Variants in NCOA2 observed in about 807,000 individuals in gnomAD.
NCOA2 encodes the protein class E basic helix-loop-helix protein 75.
A neutral mutation model predicts 145.1 loss-of-function variants in NCOA2; 21 were observed. The observed-to-expected ratio is 0.14, with a 90% CI of 0.10 to 0.21. NCOA2 has a LOEUF of 0.21. Among genes scored for constraint, NCOA2 ranks in the 10% least tolerant of loss-of-function variants. The pLI, the probability that NCOA2 is intolerant of heterozygous loss-of-function variation, is 1.00. For synonymous variants in NCOA2, 619 were observed against 637.5 expected (o/e 0.97, Z 0.44); for missense variants, 1,472 against 1,837.6 (o/e 0.80, Z 3.64).
intron 4 of NCOA2, among the ~76,000 whole-genome samples, chr8:70,176,322 T>G (rs1814845914): frequency 6.6e-6 from 1 of 152,204 alleles, no homozygotes; most frequent in Non-Finnish European, 1.5e-5. Flanking sequence ...TCGAAAAAAT[T>G]GTGACTGCCT....
At chr8:70,128,029 G>C (rs1585746787) in intron 18 of NCOA2, among the ~76,000 whole-genome samples, 3 of 152,316 alleles carry the variant, frequency 2.0e-5, no homozygotes, top group African/African-American at 7.2e-5. Context: ...TGCTAGATAA[G>C]CGCCATTCAG....
In NCOA2 at chr8:70,286,497, T is replaced by C. The variant is rs1337889617; in HGVS notation, c.-20+10247A>G. Among the ~76,000 whole-genome samples the C allele has an allele frequency of 4.6e-5, 7 of 152,294 alleles. 1 individual carries two copies. The East Asian group carries it at 1.2e-3, about 25-fold the overall frequency. On this transcript the variant is annotated intron_variant, in intron 2 of 22. Coordinates refer to ENST00000452400, the MANE Select transcript of NCOA2 (RefSeq NM_006540.4). ...TAACCGTGAGCTACAATATAAATAC[T>C]CAAAGATAAAATTTTAAAGGTGGAT...
intron 16 of NCOA2, 43 bp downstream of exon 16, chr8:70,131,794 C>T: frequency 6.4e-7 from 1 of 1,555,250 alleles, no homozygotes; most frequent in Non-Finnish European, 8.7e-7. Context: ...CCTCTGCGCC[C>T]ATGAGAGCGC....
the NCOA2 span, among the ~76,000 whole-genome samples, chr8:70,422,345 G>C: frequency 3.3e-5 from 5 of 151,878 alleles, no homozygotes; most frequent in African/African-American, 1.2e-4. Context: ...TTGAAGTCTC[G>C]TGTTTTGCCT....
intron 1 of NCOA2, among the ~76,000 whole-genome samples, chr8:70,364,809 T>A: frequency 6.7e-6 from 1 of 149,858 alleles, no homozygotes. Flanking sequence ...CCAGACCAGT[T>A]CTATAAAGTA....
the NCOA2 span, among the ~76,000 whole-genome samples, chr8:70,440,659 A>T: frequency 6.6e-6 from 1 of 151,546 alleles, no homozygotes; most frequent in Admixed American, 6.6e-5. Flanking sequence ...AGAGAAAAGA[A>T]AGAGGGAGAG....
chr8:70,210,388 C>T (rs1459222573), intron 4 of NCOA2, among the ~76,000 whole-genome samples: 5 of 152,062 alleles, frequency 3.3e-5, no homozygotes, highest in Non-Finnish European at 5.9e-5. Context: ...TTATGAATGT[C>T]GGCCAAAAAA....
the NCOA2 span, among the ~76,000 whole-genome samples, chr8:70,412,647 C>CAAAGAA: frequency 1.2e-4 from 6 of 48,304 alleles, no homozygotes; most frequent in Admixed American, 9.1e-4. Context: ...TACTTCGTCT[C>CAAAGAA]AAAAAAAAAA....
At chr8:70,153,436 C>A (rs1240908220) in intron 11 of NCOA2, among the ~76,000 whole-genome samples, 1 of 152,204 alleles carries the variant, frequency 6.6e-6, no homozygotes, top group Non-Finnish European at 1.5e-5. Context: ...TTGTCAGTTT[C>A]TTGTCTGAAG....
At chr8:70,136,718 T>C (rs1809778716) in intron 15 of NCOA2, among the ~76,000 whole-genome samples, 1 of 152,192 alleles carries the variant, frequency 6.6e-6, no homozygotes, top group Non-Finnish European at 1.5e-5. Flanking sequence ...GGTTCCTAAA[T>C]ATTAACTGTG....
intron 1 of NCOA2, among the ~76,000 whole-genome samples, chr8:70,310,978 AG>A (rs1171995961): frequency 6.6e-6 from 1 of 152,240 alleles, no homozygotes; most frequent in Non-Finnish European, 1.5e-5. Flanking sequence ...ACATTGTAAA[AG>A]AACAACACAG....
At chr8:70,374,247 G>C (rs1257881525) in intron 1 of NCOA2, among the ~76,000 whole-genome samples, 1 of 151,790 alleles carries the variant, frequency 6.6e-6, no homozygotes, top group African/African-American at 2.4e-5. Context: ...TGAGGTGGGC[G>C]GATCACCTGA....
intron 1 of NCOA2, among the ~76,000 whole-genome samples, chr8:70,336,253 C>T (rs541338292): frequency 6.6e-6 from 1 of 152,196 alleles, no homozygotes; most frequent in Admixed American, 6.5e-5. Context: ...TTTTAAGTAC[C>T]TTTATAATCT....
chr8:70,114,193 G>T (rs1806829301), intron 22 of NCOA2, among the ~76,000 whole-genome samples: 1 of 151,936 alleles, frequency 6.6e-6, no homozygotes. Flanking sequence ...GACTCCTGGG[G>T]TTTTGTATTT....
chr8:70,181,390 T>C (rs187232796), intron 4 of NCOA2, among the ~76,000 whole-genome samples: 12 of 152,318 alleles, frequency 7.9e-5, no homozygotes, highest in Admixed American at 6.5e-4. Context: ...CAGAAATTAG[T>C]CTATCTTCAA....
At chr8:70,300,555 C>T (rs1226432591) in intron 1 of NCOA2, among the ~76,000 whole-genome samples, 2 of 152,178 alleles carry the variant, frequency 1.3e-5, no homozygotes, top group African/African-American at 2.4e-5. Flanking sequence ...ACTGAATCTA[C>T]ACCACACATA....
chr8:70,321,384 C>A (rs1806044716), intron 1 of NCOA2, among the ~76,000 whole-genome samples: 1 of 151,610 alleles, frequency 6.6e-6, no homozygotes, highest in African/African-American at 2.4e-5. Context: ...AATCTTGAAC[C>A]CCTGAGCTCC....
chr8:70,179,347 T>C (rs1256020966), intron 4 of NCOA2, among the ~76,000 whole-genome samples: 9 of 152,190 alleles, frequency 5.9e-5, no homozygotes, highest in Admixed American at 5.9e-4. Flanking sequence ...TTTATGTTAT[T>C]TGGGTACTTT....
chr8:70,339,047 A>G (rs1189449699), intron 1 of NCOA2, among the ~76,000 whole-genome samples: 4 of 152,112 alleles, frequency 2.6e-5, no homozygotes, highest in Non-Finnish European at 5.9e-5. Flanking sequence ...CCCTCTCTCA[A>G]CATTTCTATT....
Sources: gnomAD v4.1 joint callset for allele counts (sites outside exome capture counted in the v4.1 genomes callset) on GRCh38, gnomAD v4.1.1 for gene constraint, MANE v1.5 for transcripts, NCBI Gene and HGNC (gene_info 2026-07-23, HGNC 2026-07-21) for gene names.